RNF144B: variants seen among roughly 807,000 people sequenced by gnomAD.
RNF144B encodes E3 ubiquitin-protein ligase RNF144B.
RNF144B carries 25 observed loss-of-function variants against 40.2 expected under a neutral mutation model. The ratio of observed to expected loss-of-function variants is 0.62; its 90% CI spans 0.45 to 0.87. The LOEUF (loss-of-function observed/expected upper bound fraction) is 0.87, where lower values mean the gene tolerates loss of function less well. Among genes scored for constraint, RNF144B ranks in the 40% least tolerant of loss-of-function variants. RNF144B has a pLI of 0.00. For missense variants in RNF144B, 365 were observed against 373.7 expected (o/e 0.98, Z 0.19); for synonymous variants, 145 against 136.3 (o/e 1.06, Z -0.44).
intron 3 of RNF144B, among the ~76,000 whole-genome samples, chr6:18,430,938 G>A (rs1183272984): frequency 6.6e-6 from 1 of 151,930 alleles, no homozygotes; most frequent in Non-Finnish European, 1.5e-5. Flanking sequence ...AACCCATAAT[G>A]AGTCTTAAAA....
rs1010226374 is a variant in RNF144B at position 18,422,451 on chromosome 6, G to A, written c.166-5130G>A. 6.6e-6 allele frequency among the ~76,000 whole-genome samples: 1 copy of A among 152,156 alleles called. No individual in the cohort carries two copies. Among genetic ancestry groups the A allele is most frequent in the Non-Finnish European group, 1.5e-5 (1 of 68,038 alleles). Reference sequence around the variant, plus strand: ...TGCATTGTACCTGGAGTGATAAAAAGCAAAACAGGTACTCAAGACCTGTCT... The same window carrying A: ...TGCATTGTACCTGGAGTGATAAAAAACAAAACAGGTACTCAAGACCTGTCT... On this transcript the variant is annotated intron_variant, in intron 2 of 7. Coordinates refer to ENST00000259939, the MANE Select transcript of RNF144B (RefSeq NM_182757.4). The surrounding 1 kb of genome is among the most constrained non-coding windows in gnomAD (Gnocchi z 4.7).
At position 18,446,202 on chromosome 6, in the gene RNF144B, G is replaced by C. The variant is rs1759077770; in HGVS notation, c.331+6458G>C. 6.6e-6 allele frequency among the ~76,000 whole-genome samples: 1 copy of C among 152,214 alleles called. No individual in the cohort carries two copies. The highest frequency in any genetic ancestry group is 6.5e-5 in the Admixed American group (1 of 15,284). On this transcript the variant is annotated intron_variant, in intron 4 of 7. Coordinates refer to ENST00000259939, the MANE Select transcript of RNF144B (RefSeq NM_182757.4). The surrounding 1 kb of genome is among the most constrained non-coding windows in gnomAD (Gnocchi z 4.7). ...ACTAAACCTGGCCTCTAGGCCATGT[G>C]TATAATCTGTTACATGAGGTATATA...
chr6:18,424,970 A>G (rs116447848), intron 2 of RNF144B, among the ~76,000 whole-genome samples: 1,745 of 152,314 alleles, frequency 0.011, 42 homozygotes, highest in African/African-American at 0.039. Context: ...GGAGAAGAGG[A>G]GTAATAACAT....
In RNF144B at chr6:18,409,341, G is replaced by A. The variant is rs1206434980; in HGVS notation, c.165+9642G>A. ...TGCAGTGAGCTGAGATCTTGCCACTGCACTCCAGCCCGGGCACCTGAGTGA... is the reference window on the plus strand; with the variant it reads ...TGCAGTGAGCTGAGATCTTGCCACTACACTCCAGCCCGGGCACCTGAGTGA... On this transcript the variant is annotated intron_variant, in intron 2 of 7. Transcript: ENST00000259939. Among the ~76,000 whole-genome samples, 8 of 117,756 alleles carry A rather than the reference G, an allele frequency of 6.8e-5. No individual in the cohort carries two copies. The South Asian group carries it at 1.8e-3, about 27-fold the overall frequency. 77.3% of individuals were successfully genotyped at this position (117,756 alleles called of 152,430 possible). A position where few individuals can be genotyped will look rare whatever the true frequency, so the allele number is the denominator to read the frequency against.
chr6:18,452,689 C>T (rs1295374794), intron 4 of RNF144B, among the ~76,000 whole-genome samples: 1 of 151,890 alleles, frequency 6.6e-6, no homozygotes, highest in Non-Finnish European at 1.5e-5. Flanking sequence ...TAAATCTTTG[C>T]CTCCTCTCCT....
chr6:18,402,925 C>T (rs1237116157), intron 2 of RNF144B, among the ~76,000 whole-genome samples: 2 of 152,130 alleles, frequency 1.3e-5, no homozygotes, highest in Non-Finnish European at 2.9e-5. Flanking sequence ...AAAAATTGGG[C>T]ATAGTTCTTA....
chr6:18,428,477 C>T (rs1426140718), intron 3 of RNF144B, among the ~76,000 whole-genome samples: 1 of 149,094 alleles, frequency 6.7e-6, no homozygotes, highest in Admixed American at 6.8e-5. Flanking sequence ...CTGTAGCAGG[C>T]ATCTGAAATC....
rs71536790 is a variant in RNF144B, at chr6:18,405,150, T to TTTATTATTATTATTATTATTATTA, written c.165+5454_165+5477dup. ...CTTGCTTGCAAGGTTAGTTTTTTTCTTTATTATTATTATTATTATTATTAT... is the reference window on the plus strand; with the variant it reads ...CTTGCTTGCAAGGTTAGTTTTTTTCTTTATTATTATTATTATTATTATTATTATTATTATTATTATTATTATTAT... On this transcript the variant is annotated intron_variant, in intron 2 of 7. Coordinates refer to ENST00000259939, the MANE Select transcript of RNF144B (RefSeq NM_182757.4). This position sits in a 1 kb window ranked among gnomAD's most constrained non-coding sequence, Gnocchi z 4.5. Among the ~76,000 whole-genome samples the TTTATTATTATTATTATTATTATTA allele has an allele frequency of 2.1e-5, 3 of 146,232 alleles. No homozygotes were observed. The highest frequency in any genetic ancestry group is 6.8e-5 in the Admixed American group (1 of 14,654).
At chr6:18,387,694 A>T (rs1794485477) in intron 1 of RNF144B, 64 bp downstream of exon 1, 2 of 1,239,446 alleles carry the variant, frequency 1.6e-6, no homozygotes, top group East Asian at 5.9e-5. Context: ...TTGCTGGACT[A>T]AGGAAAAAGG....
chr6:18,438,000 A>G (rs905675208), intron 3 of RNF144B, among the ~76,000 whole-genome samples: 8 of 152,184 alleles, frequency 5.3e-5, no homozygotes, highest in African/African-American at 9.7e-5. Context: ...TGTCTTCTGG[A>G]ATCAAAGAAG....
chr6:18,431,995 A>G (rs976771856), intron 3 of RNF144B, among the ~76,000 whole-genome samples: 24 of 152,174 alleles, frequency 1.6e-4, no homozygotes, highest in African/African-American at 5.6e-4. Flanking sequence ...GCATTTGGGG[A>G]TTCAACTGCC....
intron 4 of RNF144B, among the ~76,000 whole-genome samples, chr6:18,454,218 C>T (rs1195902426): frequency 6.6e-6 from 1 of 152,096 alleles, no homozygotes; most frequent in East Asian, 1.9e-4. Flanking sequence ...CCAGAAGCCC[C>T]TTAGTGGACC....
At chr6:18,461,358 A>G (rs1257814534) in intron 6 of RNF144B, among the ~76,000 whole-genome samples, 1 of 152,222 alleles carries the variant, frequency 6.6e-6, no homozygotes, top group Non-Finnish European at 1.5e-5. Context: ...ATTCTGGATG[A>G]GGATTTTACT....
In RNF144B at chr6:18,425,834, T is replaced by C. The variant is rs1758535787; in HGVS notation, c.166-1747T>C. 6.6e-6 allele frequency among the ~76,000 whole-genome samples: 1 copy of C among 152,218 alleles called. No individual in the cohort carries two copies. The highest frequency in any genetic ancestry group is 2.1e-4 in the South Asian group (1 of 4,836). On this transcript the variant is annotated intron_variant, in intron 2 of 7. Coordinates refer to ENST00000259939, the MANE Select transcript of RNF144B (RefSeq NM_182757.4). This position sits in a 1 kb window ranked among gnomAD's most constrained non-coding sequence, Gnocchi z 4.2. ...TAGCAACATTTATTTCAGTGTTCTATTTTGGGTATTTAGGTTATTTTCTAG... is the reference window on the plus strand; with the variant it reads ...TAGCAACATTTATTTCAGTGTTCTACTTTGGGTATTTAGGTTATTTTCTAG...
At position 18,456,577 on chromosome 6, in the gene RNF144B, A is replaced by C. The variant is rs1759330540; in HGVS notation, c.332-578A>C. Among the ~76,000 whole-genome samples, 1 of 152,160 alleles carries C rather than the reference A, an allele frequency of 6.6e-6. No homozygotes were observed. Among genetic ancestry groups the C allele is most frequent in the Non-Finnish European group, 1.5e-5 (1 of 68,028 alleles). ...GGGAAATATTCTAAAAGTCTTGTGA[A>C]TTTTGTTTACAGAGAACACTTTTTA... On this transcript the variant is annotated intron_variant, in intron 4 of 7. Coordinates refer to ENST00000259939, the MANE Select transcript of RNF144B (RefSeq NM_182757.4). This position sits in a 1 kb window ranked among gnomAD's most constrained non-coding sequence, Gnocchi z 4.7.
At position 18,458,392 on chromosome 6, in the gene RNF144B, T is replaced by A. The variant is rs1003568155; in HGVS notation, c.536+1033T>A. ...GCTTAATCACACAGTGCACCCAGAA[T>A]GTGTAGAACCAGGCTTCATGAATAG... On this transcript the variant is annotated intron_variant, in intron 5 of 7. Coordinates refer to ENST00000259939, the MANE Select transcript of RNF144B (RefSeq NM_182757.4). The surrounding 1 kb of genome is among the most constrained non-coding windows in gnomAD (Gnocchi z 4.8). Among the ~76,000 whole-genome samples the A allele has an allele frequency of 6.6e-6, 1 of 152,136 alleles. No individual in the cohort carries two copies. Among genetic ancestry groups the A allele is most frequent in the African/African-American group, 2.4e-5 (1 of 41,426 alleles).
Position 18,446,307 on chromosome 6 carries a change from G to C in RNF144B, c.331+6563G>C, listed in dbSNP as rs1002658787. 2.0e-5 allele frequency among the ~76,000 whole-genome samples: 3 copies of C among 152,132 alleles called. No homozygotes were observed. Among genetic ancestry groups the C allele is most frequent in the Admixed American group, 1.3e-4 (2 of 15,264 alleles). ...AACCCAGCTCTTTTACCTTCCATTG[G>C]CTTTTCCTTGTATCTGCTCTTCTAG... On this transcript the variant is annotated intron_variant, in intron 4 of 7. Coordinates refer to ENST00000259939, the MANE Select transcript of RNF144B (RefSeq NM_182757.4). The surrounding 1 kb of genome is among the most constrained non-coding windows in gnomAD (Gnocchi z 4.7).
intron 1 of RNF144B, among the ~76,000 whole-genome samples, chr6:18,394,990 A>C (rs1794666083): frequency 6.6e-6 from 1 of 152,200 alleles, no homozygotes; most frequent in South Asian, 2.1e-4. Flanking sequence ...GATACCTGCT[A>C]CCAACCTTAG....
rs1435441165 is a variant in RNF144B, at chr6:18,406,538, ATCT to A, written c.165+6843_165+6845del. On this transcript the variant is annotated intron_variant, in intron 2 of 7. Coordinates refer to ENST00000259939, the MANE Select transcript of RNF144B (RefSeq NM_182757.4). The surrounding 1 kb of genome is among the most constrained non-coding windows in gnomAD (Gnocchi z 4.2). ...TAGGAGATGAAGGCTAAGTCCCATG[ATCT>A]TCTCTCTGCAAGCTGGAGACCCAGG... Among the ~76,000 whole-genome samples, 52 of 148,858 alleles carry A rather than the reference ATCT, an allele frequency of 3.5e-4. No individual in the cohort carries two copies. Among genetic ancestry groups the A allele is most frequent in the African/African-American group, 1.1e-3 (44 of 40,238 alleles).
Sources: allele counts gnomAD v4.1 joint callset (sites outside exome capture counted in the v4.1 genomes callset), GRCh38; gene constraint gnomAD v4.1.1; non-coding constraint Gnocchi (gnomAD v3.1); transcripts MANE v1.5; gene names NCBI Gene and HGNC (gene_info 2026-07-23, HGNC 2026-07-21).